DNAH9: variants seen among roughly 807,000 people sequenced by gnomAD.
The protein encoded by DNAH9 is DNAH9 variant protein.
DNAH9 carries 345 observed loss-of-function variants against 471.6 expected under a neutral mutation model. The observed-to-expected ratio is 0.73, with a 90% CI of 0.67 to 0.80. DNAH9 has a LOEUF of 0.80. Ranked by LOEUF, DNAH9 falls within the 30% of genes least tolerant of loss-of-function variation. The pLI is 0.00. For missense variants in DNAH9, 5,407 were observed against 5,609.2 expected, an observed-to-expected ratio of 0.96 and a Z score of 1.15; for synonymous variants, 2,093 against 2,123.6, an observed-to-expected ratio of 0.99 and a Z score of 0.40.
At position 11,598,488 on chromosome 17, in the gene DNAH9, G is replaced by A. The variant is rs1418368549; in HGVS notation, c.-11G>A. Reference sequence around the variant, plus strand: ...CGCTAGGGAAACCGATGCAGCTGGAGGCCGCGCGCGATGCGGCTCGCGGAG... The same window carrying A: ...CGCTAGGGAAACCGATGCAGCTGGAAGCCGCGCGCGATGCGGCTCGCGGAG... On this transcript the variant is annotated 5_prime_UTR_variant, in exon 1 of 69. Coordinates refer to ENST00000262442, the MANE Select transcript of DNAH9 (RefSeq NM_001372.4). The A allele has an allele frequency of 2.2e-6, 3 of 1,366,240 alleles. No individual in the cohort carries two copies. Among genetic ancestry groups the A allele is most frequent in the Admixed American group, 7.9e-5 (2 of 25,330 alleles). The allele number at this position is 1,366,240 out of a possible 1,614,324, so 84.6% of individuals were successfully genotyped here.
chr17:11,758,973 C>G (rs961620622), intron 35 of DNAH9, among the ~76,000 whole-genome samples: 2 of 151,780 alleles, frequency 1.3e-5, no homozygotes, highest in Non-Finnish European at 2.9e-5. Context: ...GCCCGTGTAG[C>G]TAAAAAAGTC....
At chr17:11,759,813 A>C (rs1967588700) in intron 35 of DNAH9, among the ~76,000 whole-genome samples, 1 of 151,892 alleles carries the variant, frequency 6.6e-6, no homozygotes, top group Admixed American at 6.6e-5. Context: ...CAGCCTGCCA[A>C]GTAGCTGGGA....
chr17:11,962,929 C>G lies in DNAH9; in HGVS notation c.13233+673C>G, dbSNP rs547176037. Among the ~76,000 whole-genome samples the G allele has an allele frequency of 6.6e-6, 1 of 152,082 alleles. No individual in the cohort carries two copies. The highest frequency in any genetic ancestry group is 1.5e-5 in the Non-Finnish European group (1 of 68,020). ...ATTCCTTATCAAAGGCTAATAAAAA[C>G]GTGAGTCACATGAGATTGGAGAAGA... On this transcript the variant is annotated intron_variant, in intron 68 of 68. Transcript: ENST00000262442. The surrounding 1 kb of genome is among the most constrained non-coding windows in gnomAD (Gnocchi z 4.1).
chr17:11,631,403 A>C (rs2073062682), intron 7 of DNAH9, among the ~76,000 whole-genome samples: 1 of 152,082 alleles, frequency 6.6e-6, no homozygotes, highest in Non-Finnish European at 1.5e-5. Flanking sequence ...CCTTCTAAGA[A>C]TTCTATTAGT....
intron 68 of DNAH9, among the ~76,000 whole-genome samples, chr17:11,964,207 T>A (rs142687652): frequency 7.9e-5 from 12 of 152,326 alleles, no homozygotes; most frequent in Non-Finnish European, 1.6e-4. Context: ...TCTCTCCACC[T>A]GAACATTTGC....
intron 2 of DNAH9, among the ~76,000 whole-genome samples, chr17:11,609,017 T>C (rs965869196): frequency 6.6e-6 from 1 of 152,186 alleles, no homozygotes; most frequent in South Asian, 2.1e-4. Flanking sequence ...AGGCTATGCA[T>C]ATAAATATTA....
chr17:11,817,845 TAAG>T (rs367852514), intron 45 of DNAH9, among the ~76,000 whole-genome samples: 32 of 152,330 alleles, frequency 2.1e-4, no homozygotes, highest in African/African-American at 7.2e-4. Context: ...TTGGTACAAT[TAAG>T]AGAAAACAGT....
At chr17:11,749,167 C>T (rs920399404) in intron 32 of DNAH9, among the ~76,000 whole-genome samples, 3 of 142,672 alleles carry the variant, frequency 2.1e-5, no homozygotes, top group Non-Finnish European at 3.0e-5. Flanking sequence ...CGACTGCAAG[C>T]TCTGCCTCCC....
chr17:11,676,829 A>G (rs1222619631), intron 17 of DNAH9, among the ~76,000 whole-genome samples: 6 of 152,048 alleles, frequency 3.9e-5, no homozygotes, highest in Admixed American at 3.9e-4. Context: ...TTCTAAATAC[A>G]GTTTTACCTC....
chr17:11,659,755 A>T (rs2150713783), intron 14 of DNAH9, among the ~76,000 whole-genome samples: 1 of 152,338 alleles, frequency 6.6e-6, no homozygotes, highest in East Asian at 1.9e-4. Context: ...TTGTTTGATT[A>T]CCAGTAAATA....
At position 11,719,380 on chromosome 17, in the gene DNAH9, G is replaced by T. The variant is rs200839429; in HGVS notation, c.5599G>T (p.Ala1867Ser). The change falls in exon 27 of 69, where the codon GCT (alanine) becomes TCT (serine). Residue 1867 changes from alanine (A) to serine (S), a missense_variant. Ala to Ser is a moderately conservative substitution (Grantham distance 99). Transcript: ENST00000262442. ...GTCCCTGCACCTGACCATGAGTGGG[G>T]CTCCCGCAGGACCTGCAGGCACAGG... Reference protein sequence around the residue: ...TQSLHLTMSGAPAGPAGTGKT... With the variant: ...TQSLHLTMSGSPAGPAGTGKT... 1.2e-6 allele frequency: 2 copies of T among 1,614,050 alleles called. No homozygotes were observed. The highest frequency in any genetic ancestry group is 1.7e-5 in the Admixed American group (1 of 60,004).
At chr17:11,707,956 C>T (rs1007349993) in intron 26 of DNAH9, among the ~76,000 whole-genome samples, 1 of 115,130 alleles carries the variant, frequency 8.7e-6, no homozygotes, top group African/African-American at 3.3e-5. Flanking sequence ...GCAGCCTCTC[C>T]CACCACACAC....
At chr17:11,606,996 G>T (rs1471539631) in intron 1 of DNAH9, among the ~76,000 whole-genome samples, 2 of 152,186 alleles carry the variant, frequency 1.3e-5, no homozygotes, top group African/African-American at 4.8e-5. Flanking sequence ...TTCACCTATG[G>T]ATTTGGGGAT....
chr17:11,651,414 C>A (rs550563285), intron 13 of DNAH9, 90 bp downstream of exon 13: 7 of 1,349,538 alleles, frequency 5.2e-6, no homozygotes, highest in African/African-American at 1.5e-5. Context: ...CCCTGGTAAT[C>A]TTATTTGGGG....
intron 21 of DNAH9, 140 bp from the exon 22 acceptor site, chr17:11,694,181 T>C (rs770102934): frequency 1.6e-5 from 20 of 1,220,438 alleles, no homozygotes; most frequent in Admixed American, 4.2e-5. Context: ...CATCCATGTA[T>C]ATCTTTGCAA....
rs1324938282 is a variant in DNAH9 at position 11,677,756 on chromosome 17, ATTTTCC to A, written c.3354-1998_3354-1993del. On this transcript the variant is annotated intron_variant, in intron 17 of 68. Coordinates refer to ENST00000262442, the MANE Select transcript of DNAH9 (RefSeq NM_001372.4). ...GGTATAATTTTTCATGTTTTCTTTTATTTTCCTTATTCCATTTTTTCCTCTGCTACT... is the reference window on the plus strand; with the variant it reads ...GGTATAATTTTTCATGTTTTCTTTTATTATTCCATTTTTTCCTCTGCTACT... 4.7e-5 allele frequency among the ~76,000 whole-genome samples: 7 copies of A among 150,112 alleles called. No homozygotes were observed. The East Asian group carries it at 1.4e-3, about 29-fold the overall frequency.
chr17:11,717,526 A>G (rs2074984480), intron 26 of DNAH9, among the ~76,000 whole-genome samples: 1 of 152,142 alleles, frequency 6.6e-6, no homozygotes, highest in South Asian at 2.1e-4. Context: ...AAGAGAATTA[A>G]TTTTGGACAC....
At chr17:11,840,340 AC>A (rs1282656214) in intron 49 of DNAH9, among the ~76,000 whole-genome samples, 1 of 152,242 alleles carries the variant, frequency 6.6e-6, no homozygotes. Flanking sequence ...TCATGCCAGT[AC>A]ATGTATTGAA....
chr17:11,894,522 C>T (rs753786683), intron 59 of DNAH9, 26 bp downstream of exon 59: 2 of 1,605,002 alleles, frequency 1.2e-6, no homozygotes, highest in South Asian at 2.2e-5. Context: ...TAGAAAAAAG[C>T]CAAGCTCTCA....
Sources: gnomAD v4.1 joint callset for allele counts (sites outside exome capture counted in the v4.1 genomes callset) on GRCh38, gnomAD v4.1.1 for gene constraint, Gnocchi (gnomAD v3.1) non-coding constraint, MANE v1.5 for transcripts, NCBI Gene and HGNC (gene_info 2026-07-23, HGNC 2026-07-21) for gene names.